Variants in POLR2B observed in about 807,000 individuals in gnomAD.
The protein encoded by POLR2B is RNA polymerase II subunit B.
Under a neutral mutation model 144.6 loss-of-function variants are expected in POLR2B, and 57 were observed. The ratio of observed to expected loss-of-function variants is 0.39; its 90% CI spans 0.32 to 0.49. POLR2B has a LOEUF of 0.49. POLR2B is among the 20% of genes least tolerant of loss of function. The pLI is 0.83. For missense variants in POLR2B, 595 were observed against 1,467.4 expected, an observed-to-expected ratio of 0.41 and a Z score of 9.71; for synonymous variants, 442 against 469.8, an observed-to-expected ratio of 0.94 and a Z score of 0.77.
chr4:57,026,244 A>C (rs919756371), intron 23 of POLR2B, among the ~76,000 whole-genome samples: 1 of 151,978 alleles, frequency 6.6e-6, no homozygotes, highest in African/African-American at 2.4e-5. Flanking sequence ...TCTCAAAACA[A>C]AAAACAAAAA....
chr4:57,020,542 A>G (rs1723509779), intron 16 of POLR2B, among the ~76,000 whole-genome samples: 1 of 152,172 alleles, frequency 6.6e-6, no homozygotes, highest in Non-Finnish European at 1.5e-5. Flanking sequence ...CACTCCTCTG[A>G]TTCATGAGAA....
chr4:56,986,753 C>T (rs952825038), intron 2 of POLR2B: 6 of 175,050 alleles, frequency 3.4e-5, no homozygotes, highest in Admixed American at 6.2e-5. Context: ...AAGGTCGCAC[C>T]GCTGCACTCC....
At position 56,994,708 on chromosome 4, in the gene POLR2B, C is replaced by T. The variant is rs754304123; in HGVS notation, c.418C>T (p.Leu140Phe). The change falls in exon 5 of 25, where the codon CTT becomes TTT. Residue 140 changes from leucine to phenylalanine, a missense_variant. Physicochemically the swap from Leu to Phe is conservative, Grantham distance 22 (BLOSUM62 0). This residue lies in a region of POLR2B where 251 missense variants were observed against 567.3 expected (regional missense o/e 0.44). Coordinates refer to ENST00000314595, the MANE Select transcript of POLR2B (RefSeq NM_000938.3). ...KTVIKEGEEQ[L>F]QTQHQKTFIG... ...AGTCATTAAAGAAGGTGAAGAACAA[C>T]TTCAGACTCAGCATCAGAAAACTTT... 10 of 1,613,504 alleles carry T rather than the reference C, an allele frequency of 6.2e-6. No homozygotes were observed. In the South Asian group the frequency reaches 7.7e-5, roughly 12 times the overall value.
chr4:57,006,405 A>G (rs917124871), intron 9 of POLR2B, among the ~76,000 whole-genome samples: 3 of 152,162 alleles, frequency 2.0e-5, no homozygotes, highest in African/African-American at 7.2e-5. Context: ...CCAGGGTTCA[A>G]GCGGTTCTCC....
chr4:57,026,307 T>A (rs1723718316), intron 23 of POLR2B, among the ~76,000 whole-genome samples: 2 of 152,126 alleles, frequency 1.3e-5, no homozygotes, highest in African/African-American at 4.8e-5. Context: ...CTTGAACTCA[T>A]GGCCACAATC....
Position 57,017,814 on chromosome 4 carries a change from T to C in POLR2B, c.2323+86T>C. The stretch of plus-strand genomic sequence containing the variant: ...GTGCTTGGGAGGATTAAAAAATAAA[T>C]ATGACATAGTGCCTGTTCTCACGGA... On this transcript the variant is annotated intron_variant, in intron 16 of 24. Transcript: ENST00000314595. This position sits in a 1 kb window ranked among gnomAD's most constrained non-coding sequence, Gnocchi z 4.8. 1.2e-6 allele frequency: 1 copy of C among 815,946 alleles called. No individual in the cohort carries two copies. The highest frequency in any genetic ancestry group is 2.6e-5 in the East Asian group (1 of 38,356). 50.5% of individuals were successfully genotyped at this position (815,946 alleles called of 1,614,324 possible). A position where few individuals can be genotyped will look rare whatever the true frequency, so the allele number is the denominator to read the frequency against.
At chr4:57,000,339 A>T (rs2109672775) in intron 7 of POLR2B, among the ~76,000 whole-genome samples, 2 of 152,274 alleles carry the variant, frequency 1.3e-5, no homozygotes, top group South Asian at 4.1e-4. Flanking sequence ...CTGAGTTGGG[A>T]AGATCGCTTG....
At chr4:57,020,583 G>A (rs1723510659) in intron 16 of POLR2B, among the ~76,000 whole-genome samples, 1 of 152,142 alleles carries the variant, frequency 6.6e-6, no homozygotes, top group African/African-American at 2.4e-5. Flanking sequence ...ATGGCACAGA[G>A]TTGCTGTGAG....
At chr4:57,027,643 G>GT (rs776023063) in intron 23 of POLR2B, among the ~76,000 whole-genome samples, 37 of 152,284 alleles carry the variant, frequency 2.4e-4, no homozygotes, top group Non-Finnish European at 4.6e-4. Context: ...CACCAAAACG[G>GT]TAAGTTGTAG....
At chr4:57,004,989 A>G (rs1404438119) in intron 7 of POLR2B, among the ~76,000 whole-genome samples, 1 of 152,192 alleles carries the variant, frequency 6.6e-6, no homozygotes. Context: ...CTGGCCATGC[A>G]CTACTCTTTT....
intron 10 of POLR2B, among the ~76,000 whole-genome samples, chr4:57,008,393 G>A (rs183090195): frequency 6.6e-6 from 1 of 152,046 alleles, no homozygotes; most frequent in Non-Finnish European, 1.5e-5. Flanking sequence ...TAGTAGAGAC[G>A]GGGTTTTGCC....
At chr4:56,994,988 T>C in intron 5 of POLR2B, 122 bp downstream of exon 5, 1 of 700,956 alleles carries the variant, frequency 1.4e-6, no homozygotes, top group Admixed American at 3.0e-5. Flanking sequence ...CACTGACAGT[T>C]GACTTGTTTA....
chr4:56,980,533 G>T (rs890374674), intron 1 of POLR2B, among the ~76,000 whole-genome samples: 9 of 152,026 alleles, frequency 5.9e-5, no homozygotes, highest in African/African-American at 1.9e-4. Flanking sequence ...AGCAGCCTGG[G>T]CAACATGGGA....
intron 7 of POLR2B, among the ~76,000 whole-genome samples, chr4:57,000,722 G>A (rs1158052628): frequency 5.3e-5 from 8 of 152,082 alleles, no homozygotes; most frequent in Admixed American, 5.2e-4. Context: ...GGAGGATAGA[G>A]TCTCACTCCG....
chr4:57,025,561 A>G (rs570204296), intron 23 of POLR2B, 24 bp downstream of exon 23: 4 of 1,476,508 alleles, frequency 2.7e-6, no homozygotes, highest in South Asian at 2.3e-5. Flanking sequence ...CATCATCATT[A>G]TTATTAATTA....
At chr4:56,997,764 G>A (rs1722734292) in intron 6 of POLR2B, among the ~76,000 whole-genome samples, 2 of 152,154 alleles carry the variant, frequency 1.3e-5, no homozygotes, top group Admixed American at 6.5e-5. Context: ...TGGATTAGTG[G>A]ATCTTAACTA....
Position 57,023,808 on chromosome 4 carries a change from T to A in POLR2B, c.2856+57T>A, listed in dbSNP as rs778676692. Reference sequence around the variant, plus strand: ...CCAGTTTTGTTAAATATTTTTTTTTTAATCAAAATTTGCTTTAACTTAAGA... The same window carrying A: ...CCAGTTTTGTTAAATATTTTTTTTTAAATCAAAATTTGCTTTAACTTAAGA... On this transcript the variant is annotated intron_variant, in intron 20 of 24. Coordinates refer to ENST00000314595, the MANE Select transcript of POLR2B (RefSeq NM_000938.3). The surrounding 1 kb of genome is among the most constrained non-coding windows in gnomAD (Gnocchi z 4.3). 6 of 1,228,782 alleles carry A rather than the reference T, an allele frequency of 4.9e-6. No homozygotes were observed. The highest frequency in any genetic ancestry group is 6.9e-6 in the Non-Finnish European group (6 of 866,174). The allele number at this position is 1,228,782 out of a possible 1,614,324, so 76.1% of individuals were successfully genotyped here.
At chr4:57,002,832 A>AC (rs1040457868) in intron 7 of POLR2B, 6 of 152,012 alleles carry the variant, frequency 3.9e-5, no homozygotes, top group Non-Finnish European at 7.4e-5. Context: ...TAAAAAAAAA[A>AC]ACCAAACAAA....
rs576637330 is a variant in POLR2B at position 56,995,209 on chromosome 4, G to C, written c.577-42G>C. ...TTTACTCTCTTTTCTCTTCAGTGAT[G>C]TTTTGGATTTTATGGCTGTAACTTT... On this transcript the variant is annotated intron_variant, in intron 5 of 24. Coordinates refer to ENST00000314595, the MANE Select transcript of POLR2B (RefSeq NM_000938.3). 2.0e-6 allele frequency: 3 copies of C among 1,497,188 alleles called. No homozygotes were observed. In the African/African-American group the frequency reaches 4.1e-5, roughly 21 times the overall value. 92.7% of individuals were successfully genotyped at this position (1,497,188 alleles called of 1,614,324 possible). A position where few individuals can be genotyped will look rare whatever the true frequency, so the allele number is the denominator to read the frequency against.
Sources: allele counts gnomAD v4.1 joint callset (sites outside exome capture counted in the v4.1 genomes callset), GRCh38; gene constraint gnomAD v4.1.1; regional missense constraint gnomAD v4.1.1; non-coding constraint Gnocchi (gnomAD v3.1); transcripts MANE v1.5; gene names NCBI Gene and HGNC (gene_info 2026-07-23, HGNC 2026-07-21).